The following STS variants were observed in gnomAD, a reference collection of about 807,000 sequenced individuals.
STS encodes the protein steroid sulfatase, also known as steryl-sulfatase.
In STS, 7 loss-of-function variants were observed where a neutral mutation model predicts 26.8. The ratio of observed to expected loss-of-function variants is 0.26; its 90% confidence interval spans 0.15 to 0.49. STS has a LOEUF of 0.49. Ranked by LOEUF, STS falls within the 20% of genes least tolerant of loss-of-function variation. The pLI, the probability that STS is intolerant of heterozygous loss-of-function variation, is 0.98. For synonymous variants in STS, 199 were observed against 189.4 expected (o/e 1.05, Z -0.42); for missense variants, 434 against 465.6 (o/e 0.93, Z 0.63).
rs752987904 is a variant in STS at position 7,325,481 on chromosome X, T to C, written c.1224T>C (p.Ala408=). The C allele has an allele frequency of 8.3e-7, 1 of 1,209,216 alleles. No individual in the cohort carries two copies. The highest frequency in any genetic ancestry group is 1.1e-6 in the Non-Finnish European group (1 of 895,033). The change falls in exon 9 of 11, where the codon GCT becomes GCC. Residue 408 remains alanine (A), a synonymous_variant. Transcript: ENST00000674429. The part of the protein sequence containing the change: ...IFPTVAKLAG[A]PLPEDRIIDG... ...CTACAGTAGCCAAGCTGGCTGGAGC[T>C]CCCTTGCCTGAGGACAGGTACTCTG...
intron 1 of STS, 66 bp downstream of exon 1, chrX:7,148,149 G>A (rs765707679): frequency 8.8e-6 from 9 of 1,024,205 alleles, no homozygotes; most frequent in South Asian, 8.7e-5. Context: ...GGGCGAGGAG[G>A]AAGTGCGCGC....
chrX:7,252,402 C>A, intron 2 of STS: 1 of 450,338 alleles, frequency 2.2e-6, no homozygotes, highest in Non-Finnish European at 2.8e-6. Flanking sequence ...GGGAACCAAG[C>A]CAGGCCTCTC....
chrX:7,247,400 G>T (rs1272029814), intron 2 of STS, among the ~76,000 whole-genome samples: 1 of 111,659 alleles, frequency 9.0e-6, no homozygotes, highest in Non-Finnish European at 1.9e-5. Context: ...CCCCCGGACT[G>T]CCAGTCACAT....
At chrX:7,299,633 C>T (rs1450918644) in intron 7 of STS, among the ~76,000 whole-genome samples, 1 of 110,007 alleles carries the variant, frequency 9.1e-6, no homozygotes, top group Non-Finnish European at 1.9e-5. Flanking sequence ...AAAGGCAAAG[C>T]GAAATGAACT....
chrX:7,200,271 G>A (rs1320772977), intron 2 of STS, among the ~76,000 whole-genome samples: 4 of 110,405 alleles, frequency 3.6e-5, no homozygotes, highest in Non-Finnish European at 7.6e-5. Context: ...TTCTTTCATC[G>A]CATGGGGGAA....
chrX:7,308,786 C>A (rs778285331), intron 8 of STS, among the ~76,000 whole-genome samples: 7 of 111,623 alleles, frequency 6.3e-5, no homozygotes, highest in Non-Finnish European at 1.1e-4. Context: ...AAATACAATG[C>A]CCTAAAAGGA....
intron 9 of STS, among the ~76,000 whole-genome samples, chrX:7,330,612 C>G (rs1251206693): frequency 8.9e-6 from 1 of 112,411 alleles, no homozygotes; most frequent in Non-Finnish European, 1.9e-5. Flanking sequence ...CTGACTTCTC[C>G]CAGTAACTTT....
chrX:7,268,345 A>G (rs1296541360), intron 6 of STS, among the ~76,000 whole-genome samples: 2 of 111,867 alleles, frequency 1.8e-5, no homozygotes, highest in African/African-American at 6.5e-5. Flanking sequence ...CACAGTCACA[A>G]TCCCGAAATG....
At chrX:7,264,609 T>G (rs1418591947) in intron 6 of STS, among the ~76,000 whole-genome samples, 13 of 112,119 alleles carry the variant, frequency 1.2e-4, no homozygotes, top group African/African-American at 4.2e-4. Flanking sequence ...AGACTTTGCA[T>G]AAGGAAAACC....
intron 1 of STS, among the ~76,000 whole-genome samples, chrX:7,161,701 G>A (rs138113782): frequency 0.041 from 4,603 of 111,614 alleles, 230 homozygotes; most frequent in African/African-American, 0.14. Context: ...GTGCCAACCC[G>A]AGCAGATTGA....
chrX:7,267,492 A>G (rs1924062660), intron 6 of STS, among the ~76,000 whole-genome samples: 1 of 112,248 alleles, frequency 8.9e-6, no homozygotes, highest in Non-Finnish European at 1.9e-5. Context: ...TTCATGTTTT[A>G]TGTCTTCAAT....
intron 8 of STS, among the ~76,000 whole-genome samples, chrX:7,308,012 CT>C (rs1242499646): frequency 1.2e-4 from 13 of 112,502 alleles, no homozygotes; most frequent in African/African-American, 3.6e-4. Flanking sequence ...CTTTTCAAAG[CT>C]AGCTAGGTGC....
rs184825174 is a variant in STS at position 7,339,970 on chromosome X, T to G, written c.1363+5863T>G. Reference sequence around the variant, plus strand: ...AATACTGTGGAAGAAAAATTCCTGGTCATTACTTTTGATAATTTGCTACAA... The same window carrying G: ...AATACTGTGGAAGAAAAATTCCTGGGCATTACTTTTGATAATTTGCTACAA... On this transcript the variant is annotated intron_variant, in intron 10 of 10. Coordinates refer to ENST00000674429, the MANE Select transcript of STS (RefSeq NM_001320752.2). 9.1e-3 allele frequency among the ~76,000 whole-genome samples: 1,003 copies of G among 110,140 alleles called. 14 individuals are homozygous for G. The highest frequency in any genetic ancestry group is 0.032 in the African/African-American group (956 of 30,317).
At chrX:7,221,077 A>G (rs1921543695) in intron 2 of STS, among the ~76,000 whole-genome samples, 1 of 112,043 alleles carries the variant, frequency 8.9e-6, no homozygotes, top group African/African-American at 3.2e-5. Flanking sequence ...CCCTTCCCCA[A>G]CTGACAAAAC....
intron 1 of STS, among the ~76,000 whole-genome samples, chrX:7,151,928 G>A (rs1247614567): frequency 9.0e-6 from 1 of 111,343 alleles, no homozygotes; most frequent in African/African-American, 3.3e-5. Context: ...GGGGGCTTAG[G>A]ATTATTATTA....
intron 9 of STS, among the ~76,000 whole-genome samples, chrX:7,327,410 G>T: frequency 9.6e-6 from 1 of 104,621 alleles, no homozygotes; most frequent in East Asian, 3.0e-4. Flanking sequence ...TGAGATGGGG[G>T]TTTCACTCTG....
intron 1 of STS, among the ~76,000 whole-genome samples, chrX:7,159,930 C>T (rs1467243116): frequency 4.5e-5 from 5 of 112,185 alleles, no homozygotes; most frequent in South Asian, 3.7e-4. Flanking sequence ...ACACGATGAG[C>T]GTTCGGCTGG....
At chrX:7,241,694 C>T (rs1376722651) in intron 2 of STS, among the ~76,000 whole-genome samples, 2 of 112,008 alleles carry the variant, frequency 1.8e-5, no homozygotes, top group African/African-American at 6.5e-5. Context: ...AACAAATTAC[C>T]CCAAAACTTA....
At chrX:7,300,936 G>A (rs1055032255) in intron 7 of STS, among the ~76,000 whole-genome samples, 3 of 111,237 alleles carry the variant, frequency 2.7e-5, no homozygotes, top group Non-Finnish European at 5.7e-5. Flanking sequence ...TTTGTCTGGA[G>A]TTAAAAATAG....
Sources: gnomAD v4.1 joint callset for allele counts (sites outside exome capture counted in the v4.1 genomes callset) on GRCh38, gnomAD v4.1.1 for gene constraint, MANE v1.5 for transcripts, NCBI Gene and HGNC (gene_info 2026-07-23, HGNC 2026-07-21) for gene names.